CLASP2: variants seen among roughly 807,000 people sequenced by gnomAD.
The protein encoded by CLASP2 is cytoplasmic linker associated protein 2, also known as CLIP-associating protein 2.
Under a neutral mutation model 194.4 loss-of-function variants are expected in CLASP2, and 47 were observed. The ratio of observed to expected loss-of-function variants is 0.24; its 90% CI spans 0.19 to 0.31. CLASP2 has a LOEUF of 0.31. Ranked by LOEUF, CLASP2 falls within the 10% of genes least tolerant of loss-of-function variation. The pLI, the probability that CLASP2 is intolerant of heterozygous loss-of-function variation, is 1.00. For synonymous variants in CLASP2, 619 were observed against 633.5 expected (o/e 0.98, Z 0.34); for missense variants, 1,445 against 1,823.6 (o/e 0.79, Z 3.78).
chr3:33,679,080 C>A lies in CLASP2; in HGVS notation c.644+5279G>T, dbSNP rs201156451. On this transcript the variant is annotated intron_variant, in intron 6 of 38. Coordinates refer to ENST00000682230, the MANE Select transcript of CLASP2 (RefSeq NM_001365631.1). ...ATGGATCAATGGAACAGAAAGAGAA[C>A]CACATAAATATGATAAAAGTGATCT... Among the ~76,000 whole-genome samples the A allele has an allele frequency of 5.3e-5, 8 of 151,972 alleles. No homozygotes were observed. The East Asian group carries it at 1.2e-3, about 22-fold the overall frequency.
chr3:33,543,507 T>C lies in CLASP2; in HGVS notation c.3330A>G (p.Thr1110=). ...TGGACCAGTTAGCTGGTGATCGTGG[T>C]GTTGGTCTTGTCAAAGGACTCCCCA... is the stretch of plus-strand genomic sequence containing the variant. ...SSMGSPLTRP[T]PRSPANWSSP... The change falls in exon 32 of 39, where the codon ACA becomes ACG. Residue 1110 remains threonine (T), a synonymous_variant. Coordinates refer to ENST00000682230, the MANE Select transcript of CLASP2 (RefSeq NM_001365631.1). 1 of 1,613,350 alleles carries C rather than the reference T, an allele frequency of 6.2e-7. No individual in the cohort carries two copies. The highest frequency in any genetic ancestry group is 8.5e-7 in the Non-Finnish European group (1 of 1,179,330).
At chr3:33,611,263 T>A (rs907217472) in intron 13 of CLASP2, among the ~76,000 whole-genome samples, 1 of 152,166 alleles carries the variant, frequency 6.6e-6, no homozygotes, top group Non-Finnish European at 1.5e-5. Flanking sequence ...CAAGTTGGCA[T>A]CACCCTTGTT....
chr3:33,623,392 C>T (rs1255740940), intron 10 of CLASP2, among the ~76,000 whole-genome samples: 2 of 152,084 alleles, frequency 1.3e-5, no homozygotes, highest in South Asian at 2.1e-4. Context: ...TTGTACCCTT[C>T]AACCATCTCC....
chr3:33,638,960 T>C (rs1056061202), intron 8 of CLASP2, among the ~76,000 whole-genome samples: 2 of 152,228 alleles, frequency 1.3e-5, no homozygotes, highest in Non-Finnish European at 2.9e-5. Context: ...AAATAAAGTA[T>C]GGGAGGACCA....
intron 29 of CLASP2, among the ~76,000 whole-genome samples, chr3:33,553,281 C>A (rs1277338572): frequency 6.6e-6 from 1 of 152,070 alleles, no homozygotes; most frequent in Non-Finnish European, 1.5e-5. Flanking sequence ...TTACATTTTT[C>A]TTTCATAATG....
At chr3:33,534,251 A>G (rs1386644834) in intron 34 of CLASP2, among the ~76,000 whole-genome samples, 9 of 152,074 alleles carry the variant, frequency 5.9e-5, no homozygotes, top group Non-Finnish European at 1.3e-4. Flanking sequence ...TTAAGAAAAA[A>G]TATGTTTCCT....
intron 30 of CLASP2, among the ~76,000 whole-genome samples, chr3:33,548,415 A>G (rs2059478645): frequency 6.6e-6 from 1 of 152,016 alleles, no homozygotes; most frequent in African/African-American, 2.4e-5. Flanking sequence ...CTCCTGCCTC[A>G]GCCTCCTGAG....
At chr3:33,505,629 G>A (rs867970269) in intron 37 of CLASP2, among the ~76,000 whole-genome samples, 2 of 152,188 alleles carry the variant, frequency 1.3e-5, no homozygotes, top group Non-Finnish European at 1.5e-5. Context: ...AAATCATTAG[G>A]TGAAAAGATG....
intron 30 of CLASP2, among the ~76,000 whole-genome samples, chr3:33,547,420 C>A (rs1467777105): frequency 6.6e-6 from 1 of 152,226 alleles, no homozygotes; most frequent in South Asian, 2.1e-4. Flanking sequence ...TTCAATTAAA[C>A]CTTTATTTTG....
intron 12 of CLASP2, among the ~76,000 whole-genome samples, chr3:33,617,489 A>T (rs2076387790): frequency 6.6e-6 from 1 of 152,210 alleles, no homozygotes; most frequent in Admixed American, 6.5e-5. Flanking sequence ...AGAAGTTCTA[A>T]ATGATTGAAT....
intron 8 of CLASP2, among the ~76,000 whole-genome samples, chr3:33,640,721 A>T (rs2081128190): frequency 6.6e-6 from 1 of 152,116 alleles, no homozygotes; most frequent in Non-Finnish European, 1.5e-5. Context: ...TAAAAAGAGT[A>T]GCAGCCAAAA....
At chr3:33,670,334 T>C (rs2086924525) in intron 6 of CLASP2, among the ~76,000 whole-genome samples, 1 of 152,228 alleles carries the variant, frequency 6.6e-6, no homozygotes, top group Non-Finnish European at 1.5e-5. Flanking sequence ...ATCTGTGTGG[T>C]GGATACATGC....
chr3:33,712,632 T>C (rs928173650), intron 1 of CLASP2, among the ~76,000 whole-genome samples: 13 of 151,298 alleles, frequency 8.6e-5, no homozygotes, highest in African/African-American at 1.9e-4. Flanking sequence ...GAATTTAGAG[T>C]TCCGGAATAT....
intron 6 of CLASP2, among the ~76,000 whole-genome samples, chr3:33,680,451 GA>G (rs2089621116): frequency 6.6e-6 from 1 of 152,170 alleles, no homozygotes; most frequent in Non-Finnish European, 1.5e-5. Context: ...CATGTATAGC[GA>G]CAGAGTATAC....
intron 4 of CLASP2, among the ~76,000 whole-genome samples, chr3:33,688,053 T>C (rs773252749): frequency 2.6e-4 from 39 of 151,932 alleles, no homozygotes; most frequent in Non-Finnish European, 5.1e-4. Context: ...ACTATTAACA[T>C]ACTAAAGAAA....
rs34242586 is a variant in CLASP2, at chr3:33,648,033, C to CA, written c.716-3131dup. 4.5e-3 allele frequency among the ~76,000 whole-genome samples: 537 copies of CA among 119,540 alleles called. 18 individuals carry two copies. In the South Asian group the frequency reaches 0.095, roughly 21 times the overall value. 78.4% of individuals were successfully genotyped at this position (119,540 alleles called of 152,430 possible). ...GGGCAACAGAGCGAGATTCCGTCTG[C>CA]AAAAAAAAAAAGAGTAAGTATACAC... On this transcript the variant is annotated intron_variant, in intron 7 of 38. Coordinates refer to ENST00000682230, the MANE Select transcript of CLASP2 (RefSeq NM_001365631.1).
intron 31 of CLASP2, among the ~76,000 whole-genome samples, chr3:33,543,922 T>C (rs1444306370): frequency 1.3e-5 from 2 of 152,224 alleles, no homozygotes; most frequent in African/African-American, 4.8e-5. Flanking sequence ...CTTGTCATAC[T>C]ATTAATATGT....
rs919418449 is a variant in CLASP2 at position 33,516,841 on chromosome 3, T to C, written c.3981+140A>G. On this transcript the variant is annotated intron_variant, in intron 35 of 38. Transcript: ENST00000682230. ...TACTTGGTTTAGAAGAAAAAGTACT[T>C]CACAGTGAAAAGTTCATGCAGAAAG... The C allele has an allele frequency of 1.6e-5, 12 of 730,066 alleles. No individual in the cohort carries two copies. In the African/African-American group the frequency reaches 2.0e-4, roughly 12 times the overall value. 45.2% of individuals were successfully genotyped at this position (730,066 alleles called of 1,614,324 possible).
At chr3:33,585,701 T>C (rs971092647) in intron 21 of CLASP2, among the ~76,000 whole-genome samples, 3 of 152,184 alleles carry the variant, frequency 2.0e-5, no homozygotes, top group African/African-American at 7.2e-5. Context: ...CTGTACCCAA[T>C]ACGCAGTCTT....
Sources: gnomAD v4.1 joint callset for allele counts (sites outside exome capture counted in the v4.1 genomes callset) on GRCh38, gnomAD v4.1.1 for gene constraint, MANE v1.5 for transcripts, NCBI Gene and HGNC (gene_info 2026-07-23, HGNC 2026-07-21) for gene names.